The following COL19A1 variants were observed in gnomAD, a reference collection of about 807,000 sequenced individuals.
COL19A1 encodes collagen alpha-1(XIX) chain.
COL19A1 carries 159 observed loss-of-function variants against 190.2 expected under a neutral mutation model. That is an observed-to-expected ratio of 0.84 (90% CI 0.73 to 0.95). The LOEUF (loss-of-function observed/expected upper bound fraction) is 0.95, where lower values mean the gene tolerates loss of function less well. COL19A1 is among the 40% of genes least tolerant of loss of function. COL19A1 has a pLI of 0.00. For missense variants in COL19A1, 1,418 were observed against 1,431.9 expected (o/e 0.99, Z 0.16); for synonymous variants, 509 against 458.9 (o/e 1.11, Z -1.39).
At chr6:69,884,805 A>T (rs781583313) in intron 2 of COL19A1, among the ~76,000 whole-genome samples, 5 of 151,732 alleles carry the variant, frequency 3.3e-5, no homozygotes, top group Non-Finnish European at 7.4e-5. Flanking sequence ...GGTAATCTAG[A>T]TAAAATAATG....
At chr6:70,175,996 A>G (rs559002892) in intron 41 of COL19A1, among the ~76,000 whole-genome samples, 1 of 152,138 alleles carries the variant, frequency 6.6e-6, no homozygotes. Context: ...ATTGGCTCTT[A>G]AAAAGGAGTT....
intron 1 of COL19A1, among the ~76,000 whole-genome samples, chr6:69,868,858 C>T (rs1247979683): frequency 6.6e-6 from 1 of 152,054 alleles, no homozygotes; most frequent in Non-Finnish European, 1.5e-5. Flanking sequence ...GCAGAAATGC[C>T]AATGTGGGTA....
In COL19A1 at chr6:69,936,905, A is replaced by G; in HGVS notation, c.868A>G (p.Asn290Asp). 1 of 1,612,830 alleles carries G rather than the reference A, an allele frequency of 6.2e-7. No individual in the cohort carries two copies. The highest frequency in any genetic ancestry group is 1.1e-5 in the South Asian group (1 of 91,036). Residue 290 changes from asparagine to aspartate, a missense_variant, in exon 8 of 51, where the codon AAC becomes GAC. Transcript: ENST00000620364. ...TAAAGACCAGTGCCAGTGCATTCCA[A>G]ACAAGGTATGCTAGTTTTAATTGGT... ...ELKDQCQCIP[N>D]KGEAGLPGAP...
Position 69,929,600 on chromosome 6 carries a change from G to T in COL19A1, c.566G>T (p.Cys189Phe). 1 of 1,613,992 alleles carries T rather than the reference G, an allele frequency of 6.2e-7. No homozygotes were observed. Among genetic ancestry groups the T allele is most frequent in the Non-Finnish European group, 8.5e-7 (1 of 1,179,964 alleles). ...CAGGTCATTTCACTTTATATGGATT[G>T]TAATTTAATTGCGAGGAGGCAGACT... Reference protein sequence around the residue: ...QSQVISLYMDCNLIARRQTDE... With the variant: ...QSQVISLYMDFNLIARRQTDE... The change falls in exon 6 of 51, where the codon TGT becomes TTT. Residue 189 changes from cysteine (C) to phenylalanine (F), a missense_variant. Cys to Phe is a radical substitution (Grantham distance 205). Transcript: ENST00000620364.
chr6:69,981,990 T>C (rs915659187), intron 11 of COL19A1, among the ~76,000 whole-genome samples: 2 of 151,988 alleles, frequency 1.3e-5, no homozygotes, highest in African/African-American at 4.8e-5. Context: ...AATACACAAA[T>C]GAAATGACCA....
intron 9 of COL19A1, among the ~76,000 whole-genome samples, chr6:69,945,075 A>C (rs58850476): frequency 0.017 from 2,550 of 151,960 alleles, 86 homozygotes; most frequent in African/African-American, 0.058. Flanking sequence ...AAATTCTCTC[A>C]GAGTTTTATA....
At chr6:70,138,769 T>C (rs757325795) in intron 19 of COL19A1, among the ~76,000 whole-genome samples, 1 of 151,940 alleles carries the variant, frequency 6.6e-6, no homozygotes, top group Non-Finnish European at 1.5e-5. Flanking sequence ...CCTTCAGGAG[T>C]CGTGCTTGCC....
At chr6:70,115,708 G>A (rs1784521200) in intron 16 of COL19A1, among the ~76,000 whole-genome samples, 1 of 151,828 alleles carries the variant, frequency 6.6e-6, no homozygotes, top group Non-Finnish European at 1.5e-5. Context: ...TCTCTATATT[G>A]AAATGTAAGA....
chr6:70,084,608 GA>G (rs1782472853), intron 15 of COL19A1, among the ~76,000 whole-genome samples: 1 of 152,152 alleles, frequency 6.6e-6, no homozygotes, highest in Non-Finnish European at 1.5e-5. Context: ...TTTCTGTCTG[GA>G]GGCTGCCTTG....
intron 11 of COL19A1, among the ~76,000 whole-genome samples, chr6:69,999,802 C>T (rs977863575): frequency 2.0e-5 from 3 of 152,078 alleles, no homozygotes; most frequent in Non-Finnish European, 4.4e-5. Flanking sequence ...AGAACAGTTA[C>T]GTTGTGTAAC....
chr6:70,040,044 G>A (rs1779559093), intron 14 of COL19A1, among the ~76,000 whole-genome samples: 1 of 152,012 alleles, frequency 6.6e-6, no homozygotes, highest in Non-Finnish European at 1.5e-5. Context: ...GGAATTATAG[G>A]CAGGAACCAC....
intron 4 of COL19A1, among the ~76,000 whole-genome samples, chr6:69,925,195 T>C (rs1350661206): frequency 1.4e-4 from 22 of 152,102 alleles, no homozygotes; most frequent in African/African-American, 4.8e-4. Context: ...CCTAGGTTTT[T>C]TTCTAGGGTT....
intron 14 of COL19A1, among the ~76,000 whole-genome samples, chr6:70,040,851 C>T (rs530095138): frequency 1.3e-4 from 20 of 152,228 alleles, no homozygotes; most frequent in Admixed American, 2.6e-4. Flanking sequence ...TTTGATATGA[C>T]GTTAATAAAC....
intron 41 of COL19A1, among the ~76,000 whole-genome samples, chr6:70,172,866 G>C (rs1765579888): frequency 6.6e-6 from 1 of 152,192 alleles, no homozygotes; most frequent in Non-Finnish European, 1.5e-5. Flanking sequence ...TGCAAGGGTG[G>C]AAGTAGGGAA....
intron 12 of COL19A1, among the ~76,000 whole-genome samples, chr6:70,032,881 T>C (rs1366090709): frequency 2.0e-5 from 3 of 152,158 alleles, no homozygotes; most frequent in Non-Finnish European, 4.4e-5. Flanking sequence ...TTCCTTCAAG[T>C]GTTTACAATA....
intron 15 of COL19A1, among the ~76,000 whole-genome samples, chr6:70,087,292 A>G (rs1386557269): frequency 6.6e-6 from 1 of 152,184 alleles, no homozygotes; most frequent in Non-Finnish European, 1.5e-5. Context: ...TTAAGAAAGC[A>G]GAGGAAGGGG....
chr6:70,110,930 A>T (rs1360693969), intron 16 of COL19A1, among the ~76,000 whole-genome samples: 1 of 152,124 alleles, frequency 6.6e-6, no homozygotes, highest in Non-Finnish European at 1.5e-5. Context: ...GAAATCCTTG[A>T]TCTGTGGTCA....
At chr6:70,083,402 A>G (rs1782393750) in intron 15 of COL19A1, among the ~76,000 whole-genome samples, 1 of 152,178 alleles carries the variant, frequency 6.6e-6, no homozygotes, top group Admixed American at 6.5e-5. Flanking sequence ...TGTTGAATTC[A>G]GTAATATACA....
At chr6:70,149,764 G>T (rs779986802) in intron 28 of COL19A1, 25 bp downstream of exon 28, 3 of 1,613,546 alleles carry the variant, frequency 1.9e-6, no homozygotes, top group Non-Finnish European at 2.5e-6. Context: ...TAATTTTTTA[G>T]CACAGCAAAG....
Sources: allele counts gnomAD v4.1 joint callset (sites outside exome capture counted in the v4.1 genomes callset), GRCh38; gene constraint gnomAD v4.1.1; transcripts MANE v1.5; gene names NCBI Gene and HGNC (gene_info 2026-07-23, HGNC 2026-07-21).